Variants in CEP170 observed in about 807,000 individuals in gnomAD.
CEP170 encodes centrosomal protein of 170 kDa.
CEP170 carries 21 observed loss-of-function variants against 151.9 expected under a neutral mutation model. The observed-to-expected ratio is 0.14, with a 90% CI of 0.10 to 0.20. The LOEUF is 0.20. Among genes scored for constraint, CEP170 ranks in the 10% least tolerant of loss-of-function variants. CEP170 has a pLI of 1.00. For missense variants in CEP170, 964 were observed against 1,892.9 expected, an observed-to-expected ratio of 0.51 and a Z score of 9.11; for synonymous variants, 356 against 648.8, an observed-to-expected ratio of 0.55 and a Z score of 6.86.
At chr1:243,152,568 G>A (rs1412767772) in intron 14 of CEP170, among the ~76,000 whole-genome samples, 1 of 104,856 alleles carries the variant, frequency 9.5e-6, no homozygotes, top group Non-Finnish European at 1.8e-5. Context: ...GTCTCGCTCT[G>A]TCACCCAGGC....
chr1:243,139,346 C>A (rs1441879601), intron 16 of CEP170, among the ~76,000 whole-genome samples: 1 of 152,076 alleles, frequency 6.6e-6, no homozygotes, highest in Non-Finnish European at 1.5e-5. Flanking sequence ...AGGTGATCTG[C>A]CCGCCTCGGT....
chr1:243,246,832 C>A (rs546140874), intron 1 of CEP170, among the ~76,000 whole-genome samples: 1 of 152,042 alleles, frequency 6.6e-6, no homozygotes, highest in Admixed American at 6.6e-5. Flanking sequence ...GCATTATATG[C>A]ATTTTTTATC....
At position 243,147,024 on chromosome 1, in the gene CEP170, T is replaced by C. The variant is rs1395360619; in HGVS notation, c.3912-4561A>G. On this transcript the variant is annotated intron_variant, in intron 14 of 19. Transcript: ENST00000366542. ...ACTCCAGATGGAATGCTCAGTATCATTGGCTACGAAGCATGAATGCTTAGC... is the reference window on the plus strand; with the variant it reads ...ACTCCAGATGGAATGCTCAGTATCACTGGCTACGAAGCATGAATGCTTAGC... 5.3e-5 allele frequency among the ~76,000 whole-genome samples: 8 copies of C among 151,336 alleles called. 1 individual carries two copies. In the South Asian group the frequency reaches 6.2e-4, roughly 12 times the overall value.
chr1:243,168,318 C>G (rs955558747), intron 12 of CEP170: 4 of 151,954 alleles, frequency 2.6e-5, no homozygotes, highest in African/African-American at 9.7e-5. Context: ...TGAGACAAAA[C>G]AAATTTCCAT....
rs533731240 is a variant in CEP170, at chr1:243,236,067, T to C, written c.-41-10746A>G. Among the ~76,000 whole-genome samples, 100 of 152,352 alleles carry C rather than the reference T, an allele frequency of 6.6e-4. 1 individual carries two copies. The highest frequency in any genetic ancestry group is 2.3e-3 in the African/African-American group (97 of 41,592). Reference sequence around the variant, plus strand: ...GACTTAGATTCAGACATTTATCAAGTACCTCCTTTGTGCCAGTAACTGTGC... The same window carrying C: ...GACTTAGATTCAGACATTTATCAAGCACCTCCTTTGTGCCAGTAACTGTGC... On this transcript the variant is annotated intron_variant, in intron 1 of 19. Transcript: ENST00000366542.
Position 243,165,008 on chromosome 1 carries a change from A to G in CEP170, c.2952T>C (p.Ala984=), listed in dbSNP as rs760204133. The change falls in exon 13 of 20, where the codon GCT becomes GCC. Residue 984 remains alanine, a synonymous_variant. Transcript: ENST00000366542. ...TTGTTTTCTTTTCCATTTTTTCCCT[A>G]GCACCTGAAGATGATGATTTTGTAA... The part of the protein sequence containing the change: ...KDVTKSSSSG[A]REKMEKKTKS... 7 of 1,613,504 alleles carry G rather than the reference A, an allele frequency of 4.3e-6. No individual in the cohort carries two copies. Among genetic ancestry groups the G allele is most frequent in the Non-Finnish European group, 5.9e-6 (7 of 1,179,630 alleles).
At chr1:243,200,334 G>A (rs1483512442) in intron 6 of CEP170, among the ~76,000 whole-genome samples, 184 bp downstream of exon 6, 2 of 152,062 alleles carry the variant, frequency 1.3e-5, no homozygotes, top group African/African-American at 4.8e-5. Context: ...ATATATAACT[G>A]CTATATATAA....
intron 10 of CEP170, among the ~76,000 whole-genome samples, chr1:243,182,882 G>A (rs2059712325): frequency 1.3e-5 from 2 of 152,142 alleles, no homozygotes; most frequent in African/African-American, 2.4e-5. Flanking sequence ...CTTTCCAATG[G>A]GAGTAGGGAG....
At chr1:243,190,475 A>G (rs916975119) in intron 8 of CEP170, among the ~76,000 whole-genome samples, 1 of 152,192 alleles carries the variant, frequency 6.6e-6, no homozygotes, top group Non-Finnish European at 1.5e-5. Flanking sequence ...AAAAAATTTT[A>G]AAACTGGATT....
chr1:243,238,402 T>C (rs2064463180), intron 1 of CEP170, among the ~76,000 whole-genome samples: 1 of 151,950 alleles, frequency 6.6e-6, no homozygotes, highest in South Asian at 2.1e-4. Flanking sequence ...AAGGATGCAG[T>C]GAGCCAAGAC....
intron 11 of CEP170, among the ~76,000 whole-genome samples, chr1:243,170,474 T>C (rs1445589130): frequency 6.6e-6 from 1 of 152,136 alleles, no homozygotes. Context: ...TAAATCACTA[T>C]AAGATTTCAA....
At chr1:243,244,315 A>G (rs1228014482) in intron 1 of CEP170, among the ~76,000 whole-genome samples, 1 of 151,096 alleles carries the variant, frequency 6.6e-6, no homozygotes, top group African/African-American at 2.4e-5. Flanking sequence ...AAAGAAAAAA[A>G]TCTAGAATAA....
intron 7 of CEP170, among the ~76,000 whole-genome samples, chr1:243,195,486 G>T (rs1206288891): frequency 6.6e-6 from 1 of 151,874 alleles, no homozygotes; most frequent in Admixed American, 6.6e-5. Context: ...AAGTCTTCGG[G>T]AGTTTCTGGA....
intron 13 of CEP170, among the ~76,000 whole-genome samples, chr1:243,161,478 C>CT (rs1426129164): frequency 2.8e-4 from 42 of 151,672 alleles, no homozygotes; most frequent in East Asian, 5.8e-4. Flanking sequence ...TTAAAAAAAA[C>CT]TTTTTTTTAA....
At chr1:243,189,596 A>G (rs920321755) in intron 8 of CEP170, among the ~76,000 whole-genome samples, 1 of 152,046 alleles carries the variant, frequency 6.6e-6, no homozygotes, top group Non-Finnish European at 1.5e-5. Flanking sequence ...ATAATAGTCA[A>G]TATAGAAAAT....
chr1:243,225,155 A>C, intron 2 of CEP170, 21 bp downstream of exon 2: 6 of 1,482,646 alleles, frequency 4.0e-6, no homozygotes, highest in Non-Finnish European at 4.6e-6. Flanking sequence ...AAACACATAT[A>C]GAGAAGCTTG....
intron 10 of CEP170, among the ~76,000 whole-genome samples, chr1:243,173,735 C>CAA (rs199827738): frequency 0.024 from 1,711 of 72,726 alleles, 45 homozygotes; most frequent in African/African-American, 0.07. Context: ...GACCCTGTTT[C>CAA]AAAAAAAAAA....
intron 3 of CEP170, among the ~76,000 whole-genome samples, chr1:243,220,117 T>A (rs2062658249): frequency 6.6e-6 from 1 of 152,238 alleles, no homozygotes; most frequent in African/African-American, 2.4e-5. Flanking sequence ...TTAAAATTCC[T>A]AAGTAAACGG....
chr1:243,221,103 C>T (rs1315510821), intron 3 of CEP170, among the ~76,000 whole-genome samples: 1 of 152,174 alleles, frequency 6.6e-6, no homozygotes, highest in East Asian at 1.9e-4. Flanking sequence ...CGGCTCACAA[C>T]AAGCTCCGCC....
Sources: allele counts gnomAD v4.1 joint callset (sites outside exome capture counted in the v4.1 genomes callset), GRCh38; gene constraint gnomAD v4.1.1; transcripts MANE v1.5; gene names NCBI Gene and HGNC (gene_info 2026-07-23, HGNC 2026-07-21).